RBFOX1: variants seen among roughly 807,000 people sequenced by gnomAD.
RBFOX1 encodes RNA binding fox-1 homolog 1.
In RBFOX1, 8 loss-of-function variants were observed where a neutral mutation model predicts 57.7. The observed-to-expected ratio is 0.14, with a 90% CI of 0.08 to 0.25. The LOEUF is 0.25. Ranked by LOEUF, RBFOX1 falls within the 10% of genes least tolerant of loss-of-function variation. The probability of loss-of-function intolerance (pLI) is 1.00; values close to 1 mark genes in which losing one functional copy is unlikely to be tolerated. For missense variants in RBFOX1, 611 were observed against 548.5 expected (o/e 1.11, Z -1.14); for synonymous variants, 326 against 222.4 (o/e 1.47, Z -4.15).
At chr16:5,880,072 C>T (rs2057725603) in intron 4 of RBFOX1, among the ~76,000 whole-genome samples, 1 of 152,188 alleles carries the variant, frequency 6.6e-6, no homozygotes, top group African/African-American at 2.4e-5. Context: ...CAGCAAGCAC[C>T]TCTATTCTCA....
chr16:5,594,517 A>G (rs962172077), intron 2 of RBFOX1, among the ~76,000 whole-genome samples: 3 of 152,238 alleles, frequency 2.0e-5, no homozygotes, highest in African/African-American at 4.8e-5. Flanking sequence ...TGCAAGGTGA[A>G]CATTGGTTTC....
chr16:5,348,040 C>T (rs2065182297), intron 1 of RBFOX1, among the ~76,000 whole-genome samples: 1 of 149,606 alleles, frequency 6.7e-6, no homozygotes, highest in Admixed American at 6.6e-5. Context: ...CCCATCAACC[C>T]ATCCACCCAC....
At chr16:7,146,639 C>T (rs1229301805) in intron 4 of RBFOX1, among the ~76,000 whole-genome samples, 1 of 152,020 alleles carries the variant, frequency 6.6e-6, no homozygotes, top group Admixed American at 6.5e-5. Flanking sequence ...AACTCAGAAC[C>T]CAGCAGATAA....
At chr16:7,287,555 G>C (rs1419798268) in intron 4 of RBFOX1, among the ~76,000 whole-genome samples, 1 of 152,190 alleles carries the variant, frequency 6.6e-6, no homozygotes, top group Non-Finnish European at 1.5e-5. Context: ...AGTGTTTTCA[G>C]TCTGTGACTT....
At chr16:6,744,697 C>T (rs1385630826) in intron 3 of RBFOX1, among the ~76,000 whole-genome samples, 2 of 152,062 alleles carry the variant, frequency 1.3e-5, no homozygotes, top group South Asian at 2.1e-4. Context: ...TTAAACAATG[C>T]TTGAAGAGAA....
chr16:6,127,084 T>A (rs550699539), intron 1 of RBFOX1, among the ~76,000 whole-genome samples: 18 of 152,188 alleles, frequency 1.2e-4, no homozygotes, highest in African/African-American at 3.9e-4. Context: ...GGGAAGAACA[T>A]CTCAGAGGTA....
At chr16:7,146,203 A>C (rs1164427544) in intron 4 of RBFOX1, among the ~76,000 whole-genome samples, 1 of 132,818 alleles carries the variant, frequency 7.5e-6, no homozygotes, top group African/African-American at 2.8e-5. Context: ...CCCCTTCCCC[A>C]TTTCCCATGA....
intron 4 of RBFOX1, among the ~76,000 whole-genome samples, chr16:7,485,585 A>C (rs1489260830): frequency 6.6e-6 from 1 of 152,012 alleles, no homozygotes; most frequent in Non-Finnish European, 1.5e-5. Context: ...GCTTGTCCCT[A>C]CTCCCCCAGG....
chr16:5,489,183 C>G (rs1359559982), intron 2 of RBFOX1, among the ~76,000 whole-genome samples: 1 of 152,182 alleles, frequency 6.6e-6, no homozygotes, highest in Non-Finnish European at 1.5e-5. Context: ...GATAGGAATT[C>G]CTAGGCGCAG....
chr16:5,323,423 G>A (rs2064469544), intron 1 of RBFOX1, among the ~76,000 whole-genome samples: 1 of 152,202 alleles, frequency 6.6e-6, no homozygotes. Flanking sequence ...CTCTGCTGCG[G>A]TGACCCTGGC....
intron 4 of RBFOX1, among the ~76,000 whole-genome samples, chr16:7,081,258 C>T (rs2059152190): frequency 6.6e-6 from 1 of 152,358 alleles, no homozygotes; most frequent in East Asian, 1.9e-4. Flanking sequence ...TGGTCTTGAA[C>T]TGCTGACCTC....
intron 4 of RBFOX1, among the ~76,000 whole-genome samples, chr16:7,139,393 A>C (rs1462832932): frequency 1.3e-5 from 2 of 151,794 alleles, no homozygotes; most frequent in East Asian, 3.9e-4. Flanking sequence ...CCCTCCACTA[A>C]CTCTATTCCT....
intron 1 of RBFOX1, among the ~76,000 whole-genome samples, chr16:5,461,218 A>G (rs966304445): frequency 5.3e-5 from 8 of 152,188 alleles, no homozygotes; most frequent in African/African-American, 1.9e-4. Context: ...TGCATCTCTA[A>G]TAGTGGTGCA....
chr16:7,604,534 C>T (rs1031016086), intron 9 of RBFOX1, among the ~76,000 whole-genome samples: 1 of 152,112 alleles, frequency 6.6e-6, no homozygotes, highest in Non-Finnish European at 1.5e-5. Flanking sequence ...TTGCCATGTG[C>T]AGACTTGGCA....
chr16:6,242,563 A>G (rs2097545247), intron 1 of RBFOX1, among the ~76,000 whole-genome samples: 1 of 150,078 alleles, frequency 6.7e-6, no homozygotes, highest in Non-Finnish European at 1.5e-5. Context: ...TGAGTCCATC[A>G]TCACTTATGC....
intron 1 of RBFOX1, among the ~76,000 whole-genome samples, chr16:6,249,920 C>G (rs2097594685): frequency 6.6e-6 from 1 of 152,058 alleles, no homozygotes; most frequent in East Asian, 1.9e-4. Context: ...TGCTGTCCCT[C>G]CCCACTCCCC....
rs576911031 is a variant in RBFOX1, at chr16:6,376,549, C to G, written c.-64+59492C>G. ...TGCGTTTTTGAAAGCTGCCTCACTC[C>G]TAACCTCTGTTTACATTGGTGTCTG... On this transcript the variant is annotated intron_variant, in intron 2 of 15. Coordinates refer to ENST00000550418, the MANE Select transcript of RBFOX1 (RefSeq NM_018723.4). Among the ~76,000 whole-genome samples the G allele has an allele frequency of 1.9e-4, 29 of 152,250 alleles. 2 individuals carry two copies. In the South Asian group the frequency reaches 4.0e-3, roughly 21 times the overall value.
intron 2 of RBFOX1, among the ~76,000 whole-genome samples, chr16:6,371,475 T>C (rs1206036457): frequency 6.6e-6 from 1 of 152,242 alleles, no homozygotes; most frequent in Admixed American, 6.5e-5. Flanking sequence ...AGTTGTATCA[T>C]ATGTATTCAC....
chr16:6,851,142 A>G (rs967449960), intron 3 of RBFOX1, among the ~76,000 whole-genome samples: 3 of 152,180 alleles, frequency 2.0e-5, no homozygotes, highest in African/African-American at 7.2e-5. Flanking sequence ...CCATTTCTAA[A>G]TCATTTTGTC....
Sources: gnomAD v4.1 joint callset for allele counts (sites outside exome capture counted in the v4.1 genomes callset) on GRCh38, gnomAD v4.1.1 for gene constraint, MANE v1.5 for transcripts, NCBI Gene and HGNC (gene_info 2026-07-23, HGNC 2026-07-21) for gene names.